Variants in PPM1L observed in about 807,000 individuals in gnomAD.
PPM1L encodes protein phosphatase, Mg2+/Mn2+ dependent 1L, also known as protein phosphatase 1L.
PPM1L carries 13 observed loss-of-function variants against 31.4 expected under a neutral mutation model. The ratio of observed to expected loss-of-function variants is 0.41; its 90% CI spans 0.27 to 0.66. PPM1L has a LOEUF of 0.66. Among genes scored for constraint, PPM1L ranks in the 30% least tolerant of loss-of-function variants. PPM1L has a pLI of 0.29. For synonymous variants in PPM1L, 184 were observed against 175.4 expected (o/e 1.05, Z -0.39); for missense variants, 326 against 453.7 (o/e 0.72, Z 2.56).
At chr3:160,928,384 G>T (rs1714671095) in intron 1 of PPM1L, among the ~76,000 whole-genome samples, 2 of 152,172 alleles carry the variant, frequency 1.3e-5, no homozygotes, top group African/African-American at 2.4e-5. Context: ...GGCTCAGGAG[G>T]TGGTCACATG....
intron 1 of PPM1L, among the ~76,000 whole-genome samples, chr3:160,848,547 T>C (rs1013885110): frequency 6.6e-6 from 1 of 152,204 alleles, no homozygotes; most frequent in African/African-American, 2.4e-5. Context: ...GCTTCTTAAG[T>C]GTTTGTTAGT....
chr3:160,849,945 T>C (rs1486151848), intron 1 of PPM1L, among the ~76,000 whole-genome samples: 1 of 151,246 alleles, frequency 6.6e-6, no homozygotes, highest in Non-Finnish European at 1.5e-5. Flanking sequence ...TATGTGGAGG[T>C]TTTTCCTACA....
intron 1 of PPM1L, among the ~76,000 whole-genome samples, chr3:160,847,356 A>G (rs1340042982): frequency 6.6e-6 from 1 of 152,218 alleles, no homozygotes; most frequent in Non-Finnish European, 1.5e-5. Context: ...AAATAGATAT[A>G]GAGTGGAATG....
chr3:160,904,982 A>C (rs1029413985), intron 1 of PPM1L, among the ~76,000 whole-genome samples: 18 of 152,094 alleles, frequency 1.2e-4, no homozygotes, highest in Non-Finnish European at 1.9e-4. Context: ...TGAAAGATAA[A>C]TGATTTTATA....
At chr3:160,954,912 C>CTTCCTTCT (rs1324087702) in intron 1 of PPM1L, among the ~76,000 whole-genome samples, 2 of 119,828 alleles carry the variant, frequency 1.7e-5, no homozygotes, top group African/African-American at 6.2e-5. Flanking sequence ...TCCTTCCTTC[C>CTTCCTTCT]TTCCTTCCTT....
chr3:160,899,262 C>T (rs982807847), intron 1 of PPM1L, among the ~76,000 whole-genome samples: 1 of 152,136 alleles, frequency 6.6e-6, no homozygotes, highest in African/African-American at 2.4e-5. Flanking sequence ...TTTAACAGTG[C>T]TGTGCCCTGA....
In PPM1L at chr3:161,078,681, T is replaced by C. The variant is rs537645288; in HGVS notation, c.*9524T>C. The C allele has an allele frequency of 2.6e-5, 4 of 152,220 alleles. No individual in the cohort carries two copies. Among genetic ancestry groups the C allele is most frequent in the Non-Finnish European group, 5.9e-5 (4 of 68,044 alleles). The allele number at this position is 152,220 out of a possible 1,614,324, so 9.4% of individuals were successfully genotyped here. On this transcript the variant is annotated 3_prime_UTR_variant, in exon 4 of 4. Coordinates refer to ENST00000498165, the MANE Select transcript of PPM1L (RefSeq NM_139245.4). ...TTACAATGTCAATTTGGTGTAACAT[T>C]ACCTGTAGTAGAGCTCAGAGTATAT...
chr3:161,068,403 G>A (rs1369851582), intron 3 of PPM1L, among the ~76,000 whole-genome samples: 1 of 152,128 alleles, frequency 6.6e-6, no homozygotes, highest in Admixed American at 6.5e-5. Flanking sequence ...GCACACTTAT[G>A]AGTGGCCTCA....
At chr3:160,875,710 T>C (rs563271290) in intron 1 of PPM1L, among the ~76,000 whole-genome samples, 3 of 152,338 alleles carry the variant, frequency 2.0e-5, no homozygotes, top group Admixed American at 6.5e-5. Flanking sequence ...ACTCTTCCTT[T>C]TTTATAGGTG....
At chr3:160,991,649 C>A (rs1442433370) in intron 2 of PPM1L, among the ~76,000 whole-genome samples, 1 of 152,094 alleles carries the variant, frequency 6.6e-6, no homozygotes, top group Non-Finnish European at 1.5e-5. Flanking sequence ...TACTTATTTT[C>A]TGTGAAGTCC....
rs1576626706 is a variant in PPM1L at position 161,065,648 on chromosome 3, G to A, written c.736+84G>A. The A allele has an allele frequency of 9.1e-6, 12 of 1,322,474 alleles. No homozygotes were observed. The East Asian group carries it at 2.6e-4, about 28-fold the overall frequency. 81.9% of individuals were successfully genotyped at this position (1,322,474 alleles called of 1,614,324 possible). ...TGCTTGGAGAGCTCCTGGATAAAAT[G>A]TCCAGTTATGCAGTATTAGAGAGGC... On this transcript the variant is annotated intron_variant, in intron 3 of 3. Transcript: ENST00000498165.
intron 1 of PPM1L, among the ~76,000 whole-genome samples, chr3:160,938,882 G>C (rs1008629183): frequency 7.9e-5 from 12 of 152,190 alleles, no homozygotes; most frequent in African/African-American, 2.7e-4. Context: ...CTATGGAACA[G>C]AATGAACTGT....
chr3:161,014,913 G>A (rs138685519), intron 2 of PPM1L, among the ~76,000 whole-genome samples: 8 of 152,222 alleles, frequency 5.3e-5, no homozygotes, highest in East Asian at 1.9e-4. Context: ...CACCACTTAC[G>A]GTGCAAAATC....
Position 160,772,271 on chromosome 3 carries a change from T to C in PPM1L, c.399+15564T>C, listed in dbSNP as rs1020319925. Among the ~76,000 whole-genome samples, 3 of 152,212 alleles carry C rather than the reference T, an allele frequency of 2.0e-5. No homozygotes were observed. The South Asian group carries it at 6.2e-4, about 32-fold the overall frequency. On this transcript the variant is annotated intron_variant, in intron 1 of 3. Transcript: ENST00000498165. ...GAAATTGTTTATCCCCAAAGGATTA[T>C]GTAATGCAAACAGATTTAGACATGA...
intron 2 of PPM1L, among the ~76,000 whole-genome samples, chr3:160,985,545 G>A (rs1428256891): frequency 1.3e-5 from 2 of 152,130 alleles, no homozygotes; most frequent in Admixed American, 6.6e-5. Context: ...CATATTGGAA[G>A]TTTGTTTTCC....
intron 1 of PPM1L, among the ~76,000 whole-genome samples, chr3:160,835,485 A>C (rs1286628548): frequency 6.6e-6 from 1 of 152,074 alleles, no homozygotes; most frequent in African/African-American, 2.4e-5. Flanking sequence ...TATTTCATGT[A>C]AATTCCCTTG....
At position 161,036,854 on chromosome 3, in the gene PPM1L, T is replaced by G. The variant is rs75171739; in HGVS notation, c.575-28549T>G. ...GGTTGAAAAGATGGGACAAGTCCGT[T>G]TTTCCTGCCAAGAAAGACATGGCTT... On this transcript the variant is annotated intron_variant, in intron 2 of 3. Coordinates refer to ENST00000498165, the MANE Select transcript of PPM1L (RefSeq NM_139245.4). Among the ~76,000 whole-genome samples the G allele has an allele frequency of 8.6e-3, 1,307 of 152,314 alleles. 16 individuals are homozygous for G. The highest frequency in any genetic ancestry group is 0.011 in the Non-Finnish European group (762 of 68,018).
chr3:160,802,114 A>G (rs555132676), intron 1 of PPM1L, among the ~76,000 whole-genome samples: 1 of 152,146 alleles, frequency 6.6e-6, no homozygotes, highest in African/African-American at 2.4e-5. Context: ...TTAACTCTAT[A>G]ATACTCCTCC....
At chr3:160,801,657 C>G (rs555195797) in intron 1 of PPM1L, among the ~76,000 whole-genome samples, 1 of 152,174 alleles carries the variant, frequency 6.6e-6, no homozygotes, top group Non-Finnish European at 1.5e-5. Context: ...CTTGCACTCT[C>G]TTGATTTTAC....
Sources: allele counts gnomAD v4.1 joint callset (sites outside exome capture counted in the v4.1 genomes callset), GRCh38; gene constraint gnomAD v4.1.1; transcripts MANE v1.5; gene names NCBI Gene and HGNC (gene_info 2026-07-23, HGNC 2026-07-21).